The following MYBPC1 variants were observed in gnomAD, a reference collection of about 807,000 sequenced individuals.
MYBPC1 encodes myosin-binding protein C, slow-type.
In MYBPC1, 52 loss-of-function variants were observed where a neutral mutation model predicts 147.1. The ratio of observed to expected loss-of-function variants is 0.35; its 90% CI spans 0.28 to 0.45. MYBPC1 has a LOEUF of 0.45. Ranked by LOEUF, MYBPC1 falls within the 20% of genes least tolerant of loss-of-function variation. The pLI is 1.00. For synonymous variants in MYBPC1, 477 were observed against 475.9 expected (o/e 1.00, Z -0.03); for missense variants, 1,228 against 1,440.3 (o/e 0.85, Z 2.39).
chr12:101,621,714 C>T (rs1887436485), intron 3 of MYBPC1, among the ~76,000 whole-genome samples: 2 of 152,056 alleles, frequency 1.3e-5, no homozygotes, highest in African/African-American at 4.8e-5. Flanking sequence ...TTTTAAAAGG[C>T]AATTTAAAAT....
intron 1 of MYBPC1, among the ~76,000 whole-genome samples, chr12:101,596,823 C>T (rs1313292714): frequency 6.6e-6 from 1 of 152,160 alleles, no homozygotes; most frequent in African/African-American, 2.4e-5. Context: ...ATGCTAAAGA[C>T]TCCATCATCT....
intron 1 of MYBPC1, among the ~76,000 whole-genome samples, chr12:101,611,870 A>C (rs1353305595): frequency 6.6e-6 from 1 of 152,134 alleles, no homozygotes; most frequent in Non-Finnish European, 1.5e-5. Context: ...CAAGGTCAAG[A>C]GATCGAGACC....
At chr12:101,604,198 G>A (rs1881254369) in intron 1 of MYBPC1, among the ~76,000 whole-genome samples, 1 of 152,064 alleles carries the variant, frequency 6.6e-6, no homozygotes, top group Admixed American at 6.6e-5. Context: ...GCTATTTGTT[G>A]CTATGTAATA....
At chr12:101,679,829 T>C (rs962158288) in intron 28 of MYBPC1, among the ~76,000 whole-genome samples, 2 of 152,262 alleles carry the variant, frequency 1.3e-5, no homozygotes, top group East Asian at 3.9e-4. Flanking sequence ...TCAGCAAATA[T>C]GCACTCTCTA....
Position 101,614,664 on chromosome 12 carries a change from C to T in MYBPC1, c.61+133C>T, listed in dbSNP as rs1169656029. On this transcript the variant is annotated intron_variant, in intron 2 of 31. Coordinates refer to ENST00000361466, the MANE Select transcript of MYBPC1 (RefSeq NM_002465.4). The stretch of plus-strand genomic sequence containing the variant: ...TCCTACTGAGAAGTTGGATGGTGAC[C>T]ATTGTGATAAGTTGAGAATAATAAA... 33 of 857,876 alleles carry T rather than the reference C, an allele frequency of 3.8e-5. No individual in the cohort carries two copies. The East Asian group carries it at 8.7e-4, about 23-fold the overall frequency. The allele number at this position is 857,876 out of a possible 1,614,324, so 53.1% of individuals were successfully genotyped here.
At chr12:101,694,711 C>T in the MYBPC1 span, among the ~76,000 whole-genome samples, 1 of 151,628 alleles carries the variant, frequency 6.6e-6, no homozygotes, top group South Asian at 2.1e-4. Flanking sequence ...TTAAACTATT[C>T]AGTCTACGGT....
intron 1 of MYBPC1, among the ~76,000 whole-genome samples, chr12:101,604,603 A>C (rs1019447750): frequency 6.6e-6 from 1 of 152,232 alleles, no homozygotes; most frequent in Non-Finnish European, 1.5e-5. Flanking sequence ...GCTTTAAAAA[A>C]TAAAGTACAG....
At chr12:101,637,874 C>A (rs1467006148) in intron 10 of MYBPC1, among the ~76,000 whole-genome samples, 1 of 152,094 alleles carries the variant, frequency 6.6e-6, no homozygotes, top group East Asian at 1.9e-4. Flanking sequence ...GCTATTAGCC[C>A]ATCAATAGAC....
chr12:101,654,658 T>C (rs961532886), intron 18 of MYBPC1, among the ~76,000 whole-genome samples: 1 of 152,116 alleles, frequency 6.6e-6, no homozygotes, highest in African/African-American at 2.4e-5. Flanking sequence ...CAAAGATCAG[T>C]GCACATTTAT....
intron 11 of MYBPC1, 97 bp from the exon 12 acceptor site, chr12:101,644,567 T>G: frequency 8.6e-7 from 1 of 1,163,988 alleles, no homozygotes. Flanking sequence ...ATTCATTTTT[T>G]CATTTGCTTT....
At position 101,619,454 on chromosome 12, in the gene MYBPC1, G is replaced by A. The variant is rs370473750; in HGVS notation, c.103+2211G>A. 4.6e-4 allele frequency among the ~76,000 whole-genome samples: 70 copies of A among 152,296 alleles called. 2 individuals carry two copies. The highest frequency in any genetic ancestry group is 1.5e-3 in the African/African-American group (62 of 41,560). On this transcript the variant is annotated intron_variant, in intron 3 of 31. Coordinates refer to ENST00000361466, the MANE Select transcript of MYBPC1 (RefSeq NM_002465.4). ...TGGCCCCCTCATCTTATTCCCTCCA[G>A]CATCTGGCAGAGAGCTGCACATAGC...
rs1033122639 is a variant in MYBPC1 at position 101,595,160 on chromosome 12, T to G, written c.25+65T>G. On this transcript the variant is annotated intron_variant, in intron 1 of 31. Coordinates refer to ENST00000361466, the MANE Select transcript of MYBPC1 (RefSeq NM_002465.4). Reference sequence around the variant, plus strand: ...TAAAGTGTTTATTTTGGTATTTATCTTCAAACAAATAACAAATATCTTAAC... The same window carrying G: ...TAAAGTGTTTATTTTGGTATTTATCGTCAAACAAATAACAAATATCTTAAC... 3 of 1,350,790 alleles carry G rather than the reference T, an allele frequency of 2.2e-6. No individual in the cohort carries two copies. In the Admixed American group the frequency reaches 5.1e-5, roughly 23 times the overall value. 83.7% of individuals were successfully genotyped at this position (1,350,790 alleles called of 1,614,324 possible). A position where few individuals can be genotyped will look rare whatever the true frequency, so the allele number is the denominator to read the frequency against.
chr12:101,653,723 C>A (rs1388189301), intron 18 of MYBPC1, among the ~76,000 whole-genome samples: 1 of 151,982 alleles, frequency 6.6e-6, no homozygotes, highest in African/African-American at 2.4e-5. Flanking sequence ...ATTACAAGTG[C>A]AAAGGCCAAG....
intron 17 of MYBPC1, 133 bp from the exon 18 acceptor site, chr12:101,652,982 C>A: frequency 1.5e-6 from 2 of 1,298,454 alleles, no homozygotes; most frequent in African/African-American, 1.5e-5. Flanking sequence ...CAGGCACCAA[C>A]TATCTTGACT....
At chr12:101,637,392 C>G (rs1891212970) in intron 10 of MYBPC1, among the ~76,000 whole-genome samples, 1 of 152,040 alleles carries the variant, frequency 6.6e-6, no homozygotes. Context: ...AGAACATAAC[C>G]ATTTTATAAG....
intron 3 of MYBPC1, among the ~76,000 whole-genome samples, chr12:101,620,161 CA>C (rs917447001): frequency 2.0e-5 from 3 of 152,222 alleles, no homozygotes; most frequent in East Asian, 3.9e-4. Context: ...AGAGAGATGA[CA>C]ATAAAGAAAT....
chr12:101,690,068 G>A (rs768302310), downstream of MYBPC1, among the ~76,000 whole-genome samples: 15 of 152,198 alleles, frequency 9.9e-5, no homozygotes, highest in Non-Finnish European at 8.8e-5. Flanking sequence ...CCAGCTACTC[G>A]GGAGGCTGAG....
intron 2 of MYBPC1, among the ~76,000 whole-genome samples, chr12:101,615,235 C>T (rs1317102026): frequency 6.6e-6 from 1 of 152,184 alleles, no homozygotes; most frequent in Non-Finnish European, 1.5e-5. Flanking sequence ...AGATTGAAAG[C>T]TCAATGTGGC....
intron 10 of MYBPC1, among the ~76,000 whole-genome samples, chr12:101,640,307 C>T (rs1415221439): frequency 4.6e-5 from 7 of 152,132 alleles, no homozygotes; most frequent in Admixed American, 3.9e-4. Flanking sequence ...CCACTTCACC[C>T]GGCCTATACA....
Sources: allele counts gnomAD v4.1 joint callset (sites outside exome capture counted in the v4.1 genomes callset), GRCh38; gene constraint gnomAD v4.1.1; transcripts MANE v1.5; gene names NCBI Gene and HGNC (gene_info 2026-07-23, HGNC 2026-07-21).